Variants in PTPRN2 observed in about 807,000 individuals in gnomAD.
PTPRN2 encodes receptor-type tyrosine-protein phosphatase N2.
PTPRN2 carries 74 observed loss-of-function variants against 118.8 expected under a neutral mutation model. That is an observed-to-expected ratio of 0.62 (90% CI 0.52 to 0.76). PTPRN2 has a LOEUF of 0.76. Among genes scored for constraint, PTPRN2 ranks in the 30% least tolerant of loss-of-function variants. The pLI is 0.00. For synonymous variants in PTPRN2, 641 were observed against 608.0 expected, an observed-to-expected ratio of 1.05 and a Z score of -0.80; for missense variants, 1,481 against 1,394.4, an observed-to-expected ratio of 1.06 and a Z score of -0.99.
In PTPRN2 at chr7:158,264,630, C is replaced by T. The variant is rs750161246; in HGVS notation, c.277+52189G>A. On this transcript the variant is annotated intron_variant, in intron 3 of 22. Coordinates refer to ENST00000389418, the MANE Select transcript of PTPRN2 (RefSeq NM_002847.5). ...GAGACTCACTGCCCCAGATTCACCT[C>T]GAGACTCCAAATGGTCTCAGGTCCC... 1.1e-4 allele frequency among the ~76,000 whole-genome samples: 16 copies of T among 152,244 alleles called. No homozygotes were observed. The East Asian group carries it at 1.4e-3, about 13-fold the overall frequency.
rs73513256 is a variant in PTPRN2, at chr7:157,830,931, C to T, written c.1788+67742G>A. On this transcript the variant is annotated intron_variant, in intron 12 of 22. Transcript: ENST00000389418. ...CACGCTGGGGGATGATGCAGACACT[C>T]CCTTTTCTGCACCTCACGGGGAAGT... 8.0e-3 allele frequency among the ~76,000 whole-genome samples: 1,212 copies of T among 152,292 alleles called. 8 individuals are homozygous for T. The highest frequency in any genetic ancestry group is 0.028 in the African/African-American group (1,150 of 41,558).
intron 2 of PTPRN2, among the ~76,000 whole-genome samples, chr7:158,403,621 G>A (rs1032147319): frequency 6.6e-6 from 1 of 152,222 alleles, no homozygotes; most frequent in Non-Finnish European, 1.5e-5. Flanking sequence ...CACGCTGCCT[G>A]TCGGACTGGA....
intron 12 of PTPRN2, among the ~76,000 whole-genome samples, chr7:157,762,982 G>A (rs962262926): frequency 1.3e-4 from 20 of 151,578 alleles, no homozygotes; most frequent in Admixed American, 2.0e-4. Flanking sequence ...GCCCACTCAC[G>A]GTCGGTCACA....
chr7:158,047,845 G>T (rs1347405819), intron 11 of PTPRN2, among the ~76,000 whole-genome samples: 1 of 152,338 alleles, frequency 6.6e-6, no homozygotes, highest in Non-Finnish European at 1.5e-5. Flanking sequence ...AAATGGGCAA[G>T]CCGGGAGCTC....
intron 15 of PTPRN2, among the ~76,000 whole-genome samples, chr7:157,608,271 T>C (rs988091352): frequency 6.6e-5 from 10 of 152,318 alleles, no homozygotes; most frequent in African/African-American, 1.9e-4. Context: ...CTTCACCATG[T>C]TGGCCAGGGT....
intron 3 of PTPRN2, among the ~76,000 whole-genome samples, chr7:158,235,350 C>T (rs555847797): frequency 5.9e-5 from 9 of 152,238 alleles, no homozygotes; most frequent in South Asian, 2.1e-4. Flanking sequence ...ACCTAAGTGT[C>T]CATCAATGGA....
chr7:157,878,356 A>G (rs56350152), intron 12 of PTPRN2, among the ~76,000 whole-genome samples: 6,582 of 108,800 alleles, frequency 0.06, 473 homozygotes, highest in African/African-American at 0.18. Flanking sequence ...GTGTGATACC[A>G]TGCACCCACA....
At chr7:158,330,871 C>G (rs147433750) in intron 2 of PTPRN2, among the ~76,000 whole-genome samples, 4 of 100,554 alleles carry the variant, frequency 4.0e-5, no homozygotes, top group African/African-American at 1.5e-4. Context: ...TGCCCGCAGA[C>G]GTCATTCACA....
At chr7:158,066,922 C>T (rs973191913) in intron 11 of PTPRN2, among the ~76,000 whole-genome samples, 1 of 152,156 alleles carries the variant, frequency 6.6e-6, no homozygotes, top group African/African-American at 2.4e-5. Flanking sequence ...AAGACGAAAT[C>T]TTAAGCAGAT....
At position 158,081,243 on chromosome 7, in the gene PTPRN2, T is replaced by TGTGTGTGTGCACACAC. The variant is rs1452735098; in HGVS notation, c.1723+39_1723+54dup. On this transcript the variant is annotated intron_variant, in intron 11 of 22. Coordinates refer to ENST00000389418, the MANE Select transcript of PTPRN2 (RefSeq NM_002847.5). ...CTGTGCATGTGCGTGTTTGCGTGCGTGTGTGTGTGCACACACGTGTGTGTG... is the reference window on the plus strand; with the variant it reads ...CTGTGCATGTGCGTGTTTGCGTGCGTGTGTGTGTGCACACACGTGTGTGTGCACACACGTGTGTGTG... 847 of 1,448,456 alleles carry TGTGTGTGTGCACACAC rather than the reference T, an allele frequency of 5.8e-4. 6 individuals are homozygous for TGTGTGTGTGCACACAC. The highest frequency in any genetic ancestry group is 4.3e-4 in the South Asian group (37 of 86,990). 89.7% of individuals were successfully genotyped at this position (1,448,456 alleles called of 1,614,324 possible).
Position 157,779,893 on chromosome 7 carries a change from G to A in PTPRN2, c.1789-96956C>T, listed in dbSNP as rs1273916993. ...GGGCTGGGACGCCACTGATACCATC[G>A]ACGTACAACACGCCGCAAGCAGCCC... is the stretch of plus-strand genomic sequence containing the variant. On this transcript the variant is annotated intron_variant, in intron 12 of 22. Transcript: ENST00000389418. This position sits in a 1 kb window ranked among gnomAD's most constrained non-coding sequence, Gnocchi z 4.7. Among the ~76,000 whole-genome samples the A allele has an allele frequency of 6.6e-6, 1 of 152,122 alleles. No individual in the cohort carries two copies. The highest frequency in any genetic ancestry group is 6.5e-5 in the Admixed American group (1 of 15,278).
chr7:158,329,147 G>A (rs1803913059), intron 2 of PTPRN2, among the ~76,000 whole-genome samples: 1 of 152,230 alleles, frequency 6.6e-6, no homozygotes, highest in South Asian at 2.1e-4. Context: ...CACAGCTTGA[G>A]GGTGTGAGCC....
At chr7:158,212,381 T>A (rs1345349241) in intron 3 of PTPRN2, among the ~76,000 whole-genome samples, 2 of 152,166 alleles carry the variant, frequency 1.3e-5, no homozygotes, top group Non-Finnish European at 2.9e-5. Flanking sequence ...ACTAAGAGTA[T>A]AACTGGATTA....
At chr7:157,772,302 T>TACACACAAAGACATACACACAGACAC (rs1802911568) in intron 12 of PTPRN2, among the ~76,000 whole-genome samples, 2 of 102,270 alleles carry the variant, frequency 2.0e-5, no homozygotes, top group African/African-American at 9.4e-5. Flanking sequence ...CACACAGACA[T>TACACACAAAGACATACACACAGACAC]ACAGACACAC....
chr7:157,924,232 G>T (rs1798844589), intron 11 of PTPRN2, among the ~76,000 whole-genome samples: 1 of 152,118 alleles, frequency 6.6e-6, no homozygotes, highest in Non-Finnish European at 1.5e-5. Flanking sequence ...TGGCTTCCTG[G>T]GGCTGGCTCC....
In PTPRN2 at chr7:157,560,556, C is replaced by T. The variant is rs1799135772; in HGVS notation, c.2902+8346G>A. On this transcript the variant is annotated intron_variant, in intron 21 of 22. Transcript: ENST00000389418. This position sits in a 1 kb window ranked among gnomAD's most constrained non-coding sequence, Gnocchi z 6.7. ...CCGGCCCGGGAACCTGGGGACACCT[C>T]ACGCCCCACATCCCTCACTGTTTCT... 6.6e-6 allele frequency among the ~76,000 whole-genome samples: 1 copy of T among 152,184 alleles called. No individual in the cohort carries two copies. Among genetic ancestry groups the T allele is most frequent in the African/African-American group, 2.4e-5 (1 of 41,450 alleles).
intron 17 of PTPRN2, among the ~76,000 whole-genome samples, chr7:157,594,162 C>T (rs1413590488): frequency 6.6e-6 from 1 of 152,232 alleles, no homozygotes; most frequent in African/African-American, 2.4e-5. Flanking sequence ...CTGTTCCAGA[C>T]TTTTCTGGAA....
At chr7:158,035,890 T>C (rs1164785645) in intron 11 of PTPRN2, among the ~76,000 whole-genome samples, 1 of 152,084 alleles carries the variant, frequency 6.6e-6, no homozygotes, top group Non-Finnish European at 1.5e-5. Flanking sequence ...ATAAACCACG[T>C]AGAAAACAAT....
rs962256817 is a variant in PTPRN2 at position 157,611,773 on chromosome 7, G to A, written c.2345-7698C>T. Among the ~76,000 whole-genome samples, 3 of 148,870 alleles carry A rather than the reference G, an allele frequency of 2.0e-5. No individual in the cohort carries two copies. The highest frequency in any genetic ancestry group is 5.0e-5 in the African/African-American group (2 of 40,244). On this transcript the variant is annotated intron_variant, in intron 15 of 22. Coordinates refer to ENST00000389418, the MANE Select transcript of PTPRN2 (RefSeq NM_002847.5). This position sits in a 1 kb window ranked among gnomAD's most constrained non-coding sequence, Gnocchi z 5.9. ...CGCCCGTGTGAAGACGAAGACAGCC[G>A]CAGTCATGCTGGGGACACGCGGAGG...
Sources: gnomAD v4.1 joint callset for allele counts (sites outside exome capture counted in the v4.1 genomes callset) on GRCh38, gnomAD v4.1.1 for gene constraint, Gnocchi (gnomAD v3.1) non-coding constraint, MANE v1.5 for transcripts, NCBI Gene and HGNC (gene_info 2026-07-23, HGNC 2026-07-21) for gene names.